Variants in USP12 observed in about 807,000 individuals in gnomAD.
USP12 encodes ubiquitin carboxyl-terminal hydrolase 12.
In USP12, 19 loss-of-function variants were observed where a neutral mutation model predicts 45.5. The observed-to-expected ratio is 0.42, with a 90% CI of 0.29 to 0.61. The LOEUF is 0.61. Ranked by LOEUF, USP12 falls within the 20% of genes least tolerant of loss-of-function variation. The probability of loss-of-function intolerance (pLI) is 0.22; values close to 1 mark genes in which losing one functional copy is unlikely to be tolerated. For missense variants in USP12, 242 were observed against 447.7 expected, an observed-to-expected ratio of 0.54 and a Z score of 4.15; for synonymous variants, 149 against 148.8, an observed-to-expected ratio of 1.00 and a Z score of -0.01.
At chr13:27,073,606 C>G (rs750208595) in intron 7 of USP12, among the ~76,000 whole-genome samples, 4 of 152,244 alleles carry the variant, frequency 2.6e-5, no homozygotes, top group South Asian at 4.1e-4. Flanking sequence ...TTCTAAAAAT[C>G]TAGCATGATT....
At chr13:27,149,115 C>G (rs1319972597) in intron 1 of USP12, among the ~76,000 whole-genome samples, 2 of 152,068 alleles carry the variant, frequency 1.3e-5, no homozygotes, top group Non-Finnish European at 2.9e-5. Flanking sequence ...ACCCAGAAGG[C>G]AGGGGTGTGG....
rs1183934585 is a variant in USP12, at chr13:27,075,104, A to G, written c.932+87T>C. ...AGAATACAGAATTTCTAAAAGTTCT[A>G]TATATGAATAATTCATGAACATCTT... is the stretch of plus-strand genomic sequence containing the variant. On this transcript the variant is annotated intron_variant, in intron 7 of 8. Transcript: ENST00000282344. 4 of 1,293,370 alleles carry G rather than the reference A, an allele frequency of 3.1e-6. No individual in the cohort carries two copies. In the African/African-American group the frequency reaches 4.4e-5, roughly 14 times the overall value. 80.1% of individuals were successfully genotyped at this position (1,293,370 alleles called of 1,614,324 possible).
chr13:27,152,874 G>A (rs1383877926), intron 1 of USP12, among the ~76,000 whole-genome samples: 2 of 150,800 alleles, frequency 1.3e-5, no homozygotes, highest in African/African-American at 2.4e-5. Context: ...CCTGGGAGGC[G>A]GAGCTTGCAG....
intron 6 of USP12, among the ~76,000 whole-genome samples, chr13:27,084,169 T>TAC (rs374948699): frequency 0.023 from 3,307 of 142,436 alleles, 48 homozygotes; most frequent in African/African-American, 0.04. Context: ...CATGTTTGCA[T>TAC]ACACACACAC....
At chr13:27,073,155 G>C (rs774917118) in intron 7 of USP12, among the ~76,000 whole-genome samples, 1 of 151,850 alleles carries the variant, frequency 6.6e-6, no homozygotes, top group African/African-American at 2.4e-5. Flanking sequence ...CTTCCAGAGC[G>C]GAGGGGCAGG....
chr13:27,100,327 T>C (rs1033768991), intron 3 of USP12, among the ~76,000 whole-genome samples: 8 of 152,222 alleles, frequency 5.3e-5, no homozygotes, highest in Admixed American at 4.6e-4. Context: ...GGGATTTTCT[T>C]TGTTCCCAAC....
At chr13:27,094,075 A>T (rs1343790116) in intron 4 of USP12, among the ~76,000 whole-genome samples, 2 of 152,072 alleles carry the variant, frequency 1.3e-5, no homozygotes, top group Non-Finnish European at 2.9e-5. Flanking sequence ...CACAGTAAAG[A>T]TGAGATCAGG....
chr13:27,144,468 T>A (rs1877216145), intron 1 of USP12, among the ~76,000 whole-genome samples: 1 of 134,620 alleles, frequency 7.4e-6, no homozygotes. Flanking sequence ...ACCACTGCAC[T>A]CTAACCTAGG....
intron 1 of USP12, among the ~76,000 whole-genome samples, chr13:27,145,843 CA>C (rs56989115): frequency 0.021 from 3,223 of 151,020 alleles, 118 homozygotes; most frequent in African/African-American, 0.075. Flanking sequence ...GGAAGAAAAG[CA>C]AAAAAAATCT....
intron 2 of USP12, among the ~76,000 whole-genome samples, chr13:27,108,975 T>C (rs1381217385): frequency 6.6e-6 from 1 of 152,196 alleles, no homozygotes; most frequent in Non-Finnish European, 1.5e-5. Context: ...TGTGTGTATA[T>C]ACACATAATG....
intron 1 of USP12, among the ~76,000 whole-genome samples, chr13:27,120,526 C>T (rs943019234): frequency 2.0e-5 from 3 of 151,580 alleles, no homozygotes; most frequent in Admixed American, 6.6e-5. Flanking sequence ...TGGTCGTGGG[C>T]GCCTGTAATT....
intron 4 of USP12, 44 bp downstream of exon 4, chr13:27,095,557 A>T: frequency 7.3e-7 from 1 of 1,373,856 alleles, no homozygotes; most frequent in Non-Finnish European, 9.9e-7. Flanking sequence ...CCTTTAACAT[A>T]GTAATTCAAT....
chr13:27,069,072 G>C lies in USP12; in HGVS notation c.*211C>G. The C allele has an allele frequency of 1.7e-6, 1 of 593,204 alleles. No individual in the cohort carries two copies. Among genetic ancestry groups the C allele is most frequent in the Non-Finnish European group, 3.0e-6 (1 of 334,580 alleles). The allele number at this position is 593,204 out of a possible 1,614,324, so 36.7% of individuals were successfully genotyped here. A position where few individuals can be genotyped will look rare whatever the true frequency, so the allele number is the denominator to read the frequency against. On this transcript the variant is annotated 3_prime_UTR_variant, in exon 9 of 9. Coordinates refer to ENST00000282344, the MANE Select transcript of USP12 (RefSeq NM_182488.4). ...TTTCACCTCCTTGTTGTATGGAACT[G>C]TACAGACAGCATGATACCTGAGCAA...
chr13:27,160,096 T>C (rs531442317), intron 1 of USP12, among the ~76,000 whole-genome samples: 126 of 152,186 alleles, frequency 8.3e-4, no homozygotes, highest in African/African-American at 2.8e-3. Context: ...ATACATACCA[T>C]GTGTCAATTA....
At chr13:27,095,548 C>T (rs1874536536) in intron 4 of USP12, 53 bp downstream of exon 4, 5 of 1,322,132 alleles carry the variant, frequency 3.8e-6, no homozygotes, top group Non-Finnish European at 4.1e-6. Flanking sequence ...AAAGAACAAC[C>T]TTTAACATAG....
At chr13:27,171,297 C>T (rs1878594378) in intron 1 of USP12, among the ~76,000 whole-genome samples, 1 of 149,772 alleles carries the variant, frequency 6.7e-6, no homozygotes, top group African/African-American at 2.4e-5. Flanking sequence ...CGGGGACTCC[C>T]GGAGGCCGGT....
intron 2 of USP12, 98 bp downstream of exon 2, chr13:27,116,418 G>A: frequency 1.1e-5 from 11 of 989,472 alleles, no homozygotes; most frequent in South Asian, 5.8e-5. Context: ...TCTATTAATA[G>A]AAAAGAACAA....
chr13:27,106,437 T>TA (rs2137787197), intron 2 of USP12, among the ~76,000 whole-genome samples: 1 of 152,262 alleles, frequency 6.6e-6, no homozygotes, highest in Non-Finnish European at 1.5e-5. Context: ...ACCTACTTTA[T>TA]AAAGTAAATG....
chr13:27,152,136 A>G (rs2137832464), intron 1 of USP12, among the ~76,000 whole-genome samples: 1 of 152,334 alleles, frequency 6.6e-6, no homozygotes, highest in African/African-American at 2.4e-5. Context: ...CAAAGTACAG[A>G]CACATGAGAA....
Sources: gnomAD v4.1 joint callset for allele counts (sites outside exome capture counted in the v4.1 genomes callset) on GRCh38, gnomAD v4.1.1 for gene constraint, MANE v1.5 for transcripts, NCBI Gene and HGNC (gene_info 2026-07-23, HGNC 2026-07-21) for gene names.